Variants in SLC35F3 observed in about 807,000 individuals in gnomAD.
The protein encoded by SLC35F3 is putative thiamine transporter SLC35F3.
In SLC35F3, 25 loss-of-function variants were observed where a neutral mutation model predicts 49.9. The observed-to-expected ratio is 0.50, with a 90% CI of 0.37 to 0.70. The LOEUF is 0.70. Among genes scored for constraint, SLC35F3 ranks in the 30% least tolerant of loss-of-function variants. SLC35F3 has a pLI of 0.00. For synonymous variants in SLC35F3, 275 were observed against 265.4 expected (o/e 1.04, Z -0.35); for missense variants, 525 against 639.8 (o/e 0.82, Z 1.94).
At chr1:234,267,627 C>CA (rs1461097712) in intron 3 of SLC35F3, among the ~76,000 whole-genome samples, 3 of 149,156 alleles carry the variant, frequency 2.0e-5, no homozygotes, top group African/African-American at 7.5e-5. Flanking sequence ...GCTGGCCAGG[C>CA]GGGGGGCTGA....
chr1:234,039,566 G>A (rs1242531062), intron 2 of SLC35F3, among the ~76,000 whole-genome samples: 1 of 152,162 alleles, frequency 6.6e-6, no homozygotes. Flanking sequence ...AAACAAGCAT[G>A]GAGAGGCAGA....
At chr1:234,314,758 T>C (rs1449134579) in intron 4 of SLC35F3, among the ~76,000 whole-genome samples, 1 of 152,108 alleles carries the variant, frequency 6.6e-6, no homozygotes, top group East Asian at 1.9e-4. Flanking sequence ...CAAGAATCCA[T>C]CTCAAAACAA....
At chr1:234,265,267 C>T (rs1667962844) in intron 3 of SLC35F3, among the ~76,000 whole-genome samples, 1 of 152,232 alleles carries the variant, frequency 6.6e-6, no homozygotes, top group Non-Finnish European at 1.5e-5. Context: ...CCTTGAATTA[C>T]AGCAGCACCA....
intron 2 of SLC35F3, among the ~76,000 whole-genome samples, chr1:234,110,281 G>T (rs1055455236): frequency 6.6e-6 from 1 of 152,170 alleles, no homozygotes; most frequent in Non-Finnish European, 1.5e-5. Context: ...TAAAAAAAGG[G>T]GATGACACTT....
At chr1:234,012,182 A>G (rs1158066408) in intron 2 of SLC35F3, among the ~76,000 whole-genome samples, 1 of 152,232 alleles carries the variant, frequency 6.6e-6, no homozygotes, top group East Asian at 1.9e-4. Flanking sequence ...TCAGTGGAGT[A>G]AAGAATAACA....
chr1:233,923,580 A>G (rs1377337647), intron 2 of SLC35F3, among the ~76,000 whole-genome samples: 3 of 152,184 alleles, frequency 2.0e-5, no homozygotes, highest in Non-Finnish European at 2.9e-5. Context: ...ATATACAATC[A>G]TGTCATCTGC....
intron 3 of SLC35F3, among the ~76,000 whole-genome samples, chr1:234,279,184 T>C (rs1668264064): frequency 6.6e-6 from 1 of 152,100 alleles, no homozygotes; most frequent in East Asian, 1.9e-4. Flanking sequence ...GACTTCCAGG[T>C]CATAGGCAGA....
chr1:234,060,483 G>A (rs1437489130), intron 2 of SLC35F3, among the ~76,000 whole-genome samples: 18 of 152,118 alleles, frequency 1.2e-4, no homozygotes. Context: ...GTCTCACTCT[G>A]TCACCCAGGT....
intron 3 of SLC35F3, among the ~76,000 whole-genome samples, chr1:234,232,454 T>C (rs2102951516): frequency 7.0e-6 from 1 of 143,372 alleles, no homozygotes; most frequent in Middle Eastern, 3.7e-3. Context: ...TAAGAGCATC[T>C]CGTGTTTCCC....
rs1376419819 is a variant in SLC35F3, at chr1:234,214,615, A to C, written c.284-16802A>C. On this transcript the variant is annotated intron_variant, in intron 2 of 7. Coordinates refer to ENST00000366618, the MANE Select transcript of SLC35F3 (RefSeq NM_173508.4). This position sits in a 1 kb window ranked among gnomAD's most constrained non-coding sequence, Gnocchi z 8.0. ...CTCGCCCCGGGGGTCCCTGCACCCT[A>C]GCCGGGGAATGCTGCCACCCTGAGG... 6.6e-7 allele frequency: 1 copy of C among 1,509,330 alleles called. No homozygotes were observed. The highest frequency in any genetic ancestry group is 2.2e-5 in the Admixed American group (1 of 46,184). 93.5% of individuals were successfully genotyped at this position (1,509,330 alleles called of 1,614,324 possible).
intron 2 of SLC35F3, among the ~76,000 whole-genome samples, chr1:233,919,044 A>G (rs114002681): frequency 0.025 from 3,802 of 152,240 alleles, 147 homozygotes; most frequent in African/African-American, 0.086. Flanking sequence ...ATCTATATAT[A>G]TATGTTCATG....
chr1:234,041,383 G>A (rs1340194457), intron 2 of SLC35F3, among the ~76,000 whole-genome samples: 1 of 152,090 alleles, frequency 6.6e-6, no homozygotes, highest in Non-Finnish European at 1.5e-5. Context: ...GGACTACGGA[G>A]GGATTTCTTT....
intron 2 of SLC35F3, among the ~76,000 whole-genome samples, chr1:234,017,532 T>A (rs1663821568): frequency 6.6e-6 from 1 of 151,680 alleles, no homozygotes; most frequent in African/African-American, 2.4e-5. Flanking sequence ...GCTAACACTG[T>A]GAAACCCCGT....
At chr1:234,232,407 C>G (rs940703480) in intron 3 of SLC35F3, among the ~76,000 whole-genome samples, 5 of 148,152 alleles carry the variant, frequency 3.4e-5, no homozygotes, top group Admixed American at 2.8e-4. Flanking sequence ...GGGAGTCACA[C>G]TGTAGGTGTT....
At position 234,296,265 on chromosome 1, in the gene SLC35F3, C is replaced by T. The variant is rs1271266431; in HGVS notation, c.609-12836C>T. ...CTTGCTCTTCATCTCCTACGTCCAT[C>T]GCAAAAAAATCACATTTTGCAAGGG... is the stretch of plus-strand genomic sequence containing the variant. On this transcript the variant is annotated intron_variant, in intron 3 of 7. Coordinates refer to ENST00000366618, the MANE Select transcript of SLC35F3 (RefSeq NM_173508.4). Among the ~76,000 whole-genome samples, 6 of 151,858 alleles carry T rather than the reference C, an allele frequency of 4.0e-5. No homozygotes were observed. The East Asian group carries it at 7.7e-4, about 20-fold the overall frequency.
intron 3 of SLC35F3, among the ~76,000 whole-genome samples, chr1:234,271,565 G>A (rs893174231): frequency 6.6e-6 from 1 of 152,056 alleles, no homozygotes; most frequent in Non-Finnish European, 1.5e-5. Context: ...GACCCATCAG[G>A]GAAAATGTAA....
At chr1:234,185,305 C>T (rs1379379572) in intron 2 of SLC35F3, among the ~76,000 whole-genome samples, 4 of 152,132 alleles carry the variant, frequency 2.6e-5, no homozygotes, top group Non-Finnish European at 4.4e-5. Context: ...AGATGTGTCC[C>T]AGGATCGCTG....
At chr1:234,175,377 C>T (rs539669231) in intron 2 of SLC35F3, among the ~76,000 whole-genome samples, 19 of 152,172 alleles carry the variant, frequency 1.2e-4, no homozygotes, top group Non-Finnish European at 1.9e-4. Context: ...TTGTGCACAA[C>T]AGGTAAGAAC....
chr1:233,995,779 C>T (rs994422068), intron 2 of SLC35F3, among the ~76,000 whole-genome samples: 2 of 152,126 alleles, frequency 1.3e-5, no homozygotes, highest in African/African-American at 4.8e-5. Flanking sequence ...GTCAGTGAGC[C>T]TGTGGACTAC....
Sources: gnomAD v4.1 joint callset for allele counts (sites outside exome capture counted in the v4.1 genomes callset) on GRCh38, gnomAD v4.1.1 for gene constraint, Gnocchi (gnomAD v3.1) non-coding constraint, MANE v1.5 for transcripts, NCBI Gene and HGNC (gene_info 2026-07-23, HGNC 2026-07-21) for gene names.